ENTREP2: variants seen among roughly 807,000 people sequenced by gnomAD.
The protein encoded by ENTREP2 is protein ENTREP2.
chr15:29,231,283 T>C, the ENTREP2 span, among the ~76,000 whole-genome samples: 5 of 152,142 alleles, frequency 3.3e-5, no homozygotes, highest in Non-Finnish European at 7.3e-5. Flanking sequence ...GCATCTCTAC[T>C]TACATGATTA....
chr15:29,339,791 C>T, the ENTREP2 span, among the ~76,000 whole-genome samples: 5 of 152,318 alleles, frequency 3.3e-5, no homozygotes, highest in East Asian at 1.9e-4. Context: ...AAAACATTCC[C>T]GTTTAATAAA....
At chr15:29,275,472 CAAAGACAAGTGGTTAAAA>C in the ENTREP2 span, among the ~76,000 whole-genome samples, 4 of 152,076 alleles carry the variant, frequency 2.6e-5, no homozygotes, top group Non-Finnish European at 5.9e-5. Context: ...AGTGAAGTCA[CAAAGACAAGTGGTTAAAA>C]AAGAAAAACA....
chr15:29,145,633 A>AC, the ENTREP2 span, among the ~76,000 whole-genome samples: 2 of 150,844 alleles, frequency 1.3e-5, no homozygotes, highest in African/African-American at 2.4e-5. Context: ...AAAAAAAAAA[A>AC]AAAAAAAAAA....
the ENTREP2 span, among the ~76,000 whole-genome samples, chr15:29,513,218 G>A: frequency 1.3e-5 from 2 of 152,124 alleles, no homozygotes; most frequent in African/African-American, 4.8e-5. Flanking sequence ...CACAAGGGCC[G>A]CCTGCTTTGA....
the ENTREP2 span, among the ~76,000 whole-genome samples, chr15:29,294,951 T>A: frequency 6.6e-6 from 1 of 152,112 alleles, no homozygotes; most frequent in East Asian, 1.9e-4. Flanking sequence ...AGTCTCCTGC[T>A]GTAGGGAGAA....
the ENTREP2 span, among the ~76,000 whole-genome samples, chr15:29,333,400 AG>A: frequency 2.0e-5 from 3 of 152,170 alleles, no homozygotes; most frequent in Non-Finnish European, 4.4e-5. Flanking sequence ...CAGCCTGGCC[AG>A]CAGTCCAGAG....
At chr15:29,370,740 G>A in the ENTREP2 span, among the ~76,000 whole-genome samples, 4 of 152,088 alleles carry the variant, frequency 2.6e-5, no homozygotes, top group Non-Finnish European at 4.4e-5. Context: ...TGAAGTGCAG[G>A]CAGGATAAGG....
chr15:29,334,212 C>T, the ENTREP2 span, among the ~76,000 whole-genome samples: 1 of 152,284 alleles, frequency 6.6e-6, no homozygotes, highest in South Asian at 2.1e-4. Flanking sequence ...GCAACTTCCC[C>T]GGGACATGAT....
chr15:29,124,999 C>G, the ENTREP2 span, among the ~76,000 whole-genome samples: 1 of 152,184 alleles, frequency 6.6e-6, no homozygotes, highest in Non-Finnish European at 1.5e-5. Context: ...GCCAGTGGCT[C>G]AAAGAAAGCC....
At chr15:29,599,054 G>C in the ENTREP2 span, among the ~76,000 whole-genome samples, 1 of 152,158 alleles carries the variant, frequency 6.6e-6, no homozygotes. Context: ...TCTCCATGCA[G>C]GGAATGTTCA....
At chr15:29,163,063 A>C in the ENTREP2 span, among the ~76,000 whole-genome samples, 1 of 152,122 alleles carries the variant, frequency 6.6e-6, no homozygotes, top group Non-Finnish European at 1.5e-5. Context: ...GAGAGACAAC[A>C]ATCACTGCAG....
At chr15:29,229,214 T>C in the ENTREP2 span, among the ~76,000 whole-genome samples, 1 of 152,190 alleles carries the variant, frequency 6.6e-6, no homozygotes, top group Non-Finnish European at 1.5e-5. Flanking sequence ...TAGAGATATA[T>C]TCAGAAAGGA....
the ENTREP2 span, among the ~76,000 whole-genome samples, chr15:29,566,121 T>C: frequency 6.6e-6 from 1 of 151,996 alleles, no homozygotes; most frequent in East Asian, 1.9e-4. Flanking sequence ...AGCTATACAT[T>C]GTTTGTGTGT....
chr15:29,123,515 C>T, the ENTREP2 span: 28 of 1,551,744 alleles, frequency 1.8e-5, no homozygotes, highest in Non-Finnish European at 2.4e-5. Flanking sequence ...GCCTTGCTGT[C>T]CACTAAAGAG....
At chr15:29,363,268 A>G in the ENTREP2 span, among the ~76,000 whole-genome samples, 2 of 152,246 alleles carry the variant, frequency 1.3e-5, no homozygotes, top group Non-Finnish European at 2.9e-5. Flanking sequence ...CATTAAAAAT[A>G]TTAACCTTTA....
the ENTREP2 span, among the ~76,000 whole-genome samples, chr15:29,404,705 C>T: frequency 2.6e-5 from 4 of 151,908 alleles, no homozygotes; most frequent in African/African-American, 9.7e-5. Flanking sequence ...TACCCTAAGC[C>T]TCTCTCAGCC....
At chr15:29,138,541 TTGTG>T in the ENTREP2 span, among the ~76,000 whole-genome samples, 1 of 151,356 alleles carries the variant, frequency 6.6e-6, no homozygotes, top group African/African-American at 2.4e-5. Flanking sequence ...TATGTGTGTG[TTGTG>T]TGTGTGTGTG....
chr15:29,519,164 C>T, the ENTREP2 span, among the ~76,000 whole-genome samples: 1 of 152,040 alleles, frequency 6.6e-6, no homozygotes, highest in East Asian at 1.9e-4. Flanking sequence ...CTCTCTCACA[C>T]ACACACACAC....
chr15:29,569,001 GT>G, the ENTREP2 span, among the ~76,000 whole-genome samples: 1 of 152,194 alleles, frequency 6.6e-6, no homozygotes, highest in Non-Finnish European at 1.5e-5. Flanking sequence ...TAATTCACCA[GT>G]CTGCCACCTG....
Sources: gnomAD v4.1 joint callset for allele counts (sites outside exome capture counted in the v4.1 genomes callset) on GRCh38, gnomAD v4.1.1 for gene constraint, MANE v1.5 for transcripts, NCBI Gene and HGNC (gene_info 2026-07-23, HGNC 2026-07-21) for gene names.